Variants in PLEKHH1 observed in about 807,000 individuals in gnomAD.
PLEKHH1 encodes the protein pleckstrin homology, MyTH4 and FERM domain containing H1.
In PLEKHH1, 104 loss-of-function variants were observed where a neutral mutation model predicts 160.0. The observed-to-expected ratio is 0.65, with a 90% CI of 0.55 to 0.76. The LOEUF is 0.76. Among genes scored for constraint, PLEKHH1 ranks in the 30% least tolerant of loss-of-function variants. The pLI is 0.00. For missense variants in PLEKHH1, 1,427 were observed against 1,724.1 expected, an observed-to-expected ratio of 0.83 and a Z score of 3.05; for synonymous variants, 619 against 678.4, an observed-to-expected ratio of 0.91 and a Z score of 1.36.
intron 9 of PLEKHH1, chr14:67,570,261 G>C (rs1240541397): frequency 1.1e-6 from 1 of 890,320 alleles, no homozygotes; most frequent in East Asian, 1.2e-4. Context: ...CCGCTTTACA[G>C]CTCTCCCCAC....
intron 2 of PLEKHH1, among the ~76,000 whole-genome samples, chr14:67,553,532 C>T (rs2034478393): frequency 6.6e-6 from 1 of 152,176 alleles, no homozygotes; most frequent in African/African-American, 2.4e-5. Flanking sequence ...TGGCTCCAGC[C>T]TCTGATCTCT....
chr14:67,568,245 C>T (rs544161763), intron 7 of PLEKHH1, among the ~76,000 whole-genome samples: 39 of 152,218 alleles, frequency 2.6e-4, no homozygotes, highest in Non-Finnish European at 7.4e-5. Flanking sequence ...ACATATACAC[C>T]ATGGAATACC....
At chr14:67,555,977 A>C in intron 3 of PLEKHH1, 90 bp downstream of exon 3, 1 of 1,504,786 alleles carries the variant, frequency 6.6e-7, no homozygotes, top group South Asian at 1.2e-5. Flanking sequence ...GGACACATAC[A>C]TCACCAGCAG....
Position 67,583,765 on chromosome 14 carries a change from C to G in PLEKHH1, c.3451C>G (p.Pro1151Ala). The change falls in exon 25 of 29, where the codon CCT (proline) becomes GCT (alanine). Residue 1151 changes from proline (P) to alanine (A), a missense_variant. Pro to Ala is a conservative substitution (Grantham distance 27, BLOSUM62 -1). Around this residue, in one of 6 missense-constraint regions of PLEKHH1, gnomAD observed 436 missense variants for 607.5 expected, o/e 0.72. Transcript: ENST00000329153. The stretch of plus-strand genomic sequence containing the variant: ...GGTAGAATATGGGGACTTGGAGAAG[C>G]CTGCCCTGCCAGGCCCTGGAGGCAC... ...AQVEYGDLEKPALPGPGGTSP... is the reference protein window; with the variant it reads ...AQVEYGDLEKAALPGPGGTSP... 6.2e-7 allele frequency: 1 copy of G among 1,611,724 alleles called. No homozygotes were observed. The highest frequency in any genetic ancestry group is 8.5e-7 in the Non-Finnish European group (1 of 1,178,956).
In PLEKHH1 at chr14:67,578,437, TG is replaced by T; in HGVS notation, c.2752-93del. On this transcript the variant is annotated intron_variant, in intron 19 of 28. Coordinates refer to ENST00000329153, the MANE Select transcript of PLEKHH1 (RefSeq NM_020715.3). This position sits in a 1 kb window ranked among gnomAD's most constrained non-coding sequence, Gnocchi z 5.0. ...CCAGAGCAAGTTGGGGGCTCTGGTT[TG>T]GGGAAAGAGTGCTGAAGGCTCTGTA... The T allele has an allele frequency of 2.1e-6, 2 of 950,788 alleles. No homozygotes were observed. 58.9% of individuals were successfully genotyped at this position (950,788 alleles called of 1,614,324 possible).
rs760355771 is a variant in PLEKHH1 at position 67,571,788 on chromosome 14, G to A, written c.1471G>A (p.Glu491Lys). 7 of 1,613,798 alleles carry A rather than the reference G, an allele frequency of 4.3e-6. No homozygotes were observed. The highest frequency in any genetic ancestry group is 2.7e-5 in the African/African-American group (2 of 74,904). ...TQISNMPFMDESSGSDDDCSS... is the reference protein window; with the variant it reads ...TQISNMPFMDKSSGSDDDCSS... Reference sequence around the variant, plus strand: ...GATCAGCAACATGCCCTTTATGGACGAGTCCTCTGGGTCTGACGATGACTG... The same window carrying A: ...GATCAGCAACATGCCCTTTATGGACAAGTCCTCTGGGTCTGACGATGACTG... The change falls in exon 10 of 29, where the codon GAG becomes AAG. Residue 491 changes from glutamate to lysine, a missense_variant. By Grantham distance (56) the Glu-to-Lys change is moderately conservative (BLOSUM62 1). Coordinates refer to ENST00000329153, the MANE Select transcript of PLEKHH1 (RefSeq NM_020715.3).
chr14:67,541,825 G>A lies in PLEKHH1; in HGVS notation c.-34-9G>A. On this transcript the variant is annotated splice_polypyrimidine_tract_variant and intron_variant, in intron 1 of 28. Coordinates refer to ENST00000329153, the MANE Select transcript of PLEKHH1 (RefSeq NM_020715.3). Reference sequence around the variant, plus strand: ...TTATCTTTTCCTCTTTCTGCATGCTGGTTCTTAGGGCTCCCCAGAATAATC... The same window carrying A: ...TTATCTTTTCCTCTTTCTGCATGCTAGTTCTTAGGGCTCCCCAGAATAATC... The A allele has an allele frequency of 6.6e-7, 1 of 1,523,142 alleles. No individual in the cohort carries two copies. The highest frequency in any genetic ancestry group is 8.8e-7 in the Non-Finnish European group (1 of 1,132,800). 94.4% of individuals were successfully genotyped at this position (1,523,142 alleles called of 1,614,324 possible). A position where few individuals can be genotyped will look rare whatever the true frequency, so the allele number is the denominator to read the frequency against.
chr14:67,553,834 C>T lies in PLEKHH1; in HGVS notation c.127-1991C>T, dbSNP rs556337413. Among the ~76,000 whole-genome samples, 14 of 152,298 alleles carry T rather than the reference C, an allele frequency of 9.2e-5. No individual in the cohort carries two copies. In the South Asian group the frequency reaches 2.7e-3, roughly 29 times the overall value. ...TTAGGACAGTCCATCTGGCTCAAAC[C>T]GATGCCTGAAACTGACCAGAACCAA... On this transcript the variant is annotated intron_variant, in intron 2 of 28. Coordinates refer to ENST00000329153, the MANE Select transcript of PLEKHH1 (RefSeq NM_020715.3).
At chr14:67,583,968 C>T (rs774153019) in intron 25 of PLEKHH1, 27 bp from the exon 26 acceptor site, 1 of 1,613,796 alleles carries the variant, frequency 6.2e-7, no homozygotes, top group Non-Finnish European at 8.5e-7. Flanking sequence ...TTCATTGGCA[C>T]TATTTCTCTC....
In PLEKHH1 at chr14:67,576,083, T is replaced by G. The variant is rs1382927442; in HGVS notation, c.2352+78T>G. On this transcript the variant is annotated intron_variant, in intron 16 of 28. Coordinates refer to ENST00000329153, the MANE Select transcript of PLEKHH1 (RefSeq NM_020715.3). This position sits in a 1 kb window ranked among gnomAD's most constrained non-coding sequence, Gnocchi z 4.0. The stretch of plus-strand genomic sequence containing the variant: ...CTTCCCTTCTCTCTTTCTCCTGAGC[T>G]TCCCAAAATTCAAATTTATTTCCTT... The G allele has an allele frequency of 5.1e-6, 6 of 1,166,864 alleles. No homozygotes were observed. Among genetic ancestry groups the G allele is most frequent in the East Asian group, 4.8e-5 (2 of 42,074 alleles). The allele number at this position is 1,166,864 out of a possible 1,614,324, so 72.3% of individuals were successfully genotyped here.
chr14:67,587,183 G>C lies in PLEKHH1; in HGVS notation c.4043G>C (p.Arg1348Pro), dbSNP rs374778555. ...GACQLWELDG[R>P]QFFSSVSCAT... ...TGCCAGCTGTGGGAACTGGATGGAC[G>C]ACAGTTCTTTTCTTCTGTTTCCTGT... Residue 1348 changes from arginine to proline, a missense_variant, in exon 29 of 29, where the codon CGA becomes CCA. By Grantham distance (103) the Arg-to-Pro change is moderately radical (BLOSUM62 -2). Transcript: ENST00000329153. 4 of 1,613,804 alleles carry C rather than the reference G, an allele frequency of 2.5e-6. No homozygotes were observed. The South Asian group carries it at 4.4e-5, about 18-fold the overall frequency.
intron 2 of PLEKHH1, among the ~76,000 whole-genome samples, chr14:67,545,945 TAA>T (rs60607551): frequency 5.7e-5 from 8 of 140,880 alleles, no homozygotes; most frequent in East Asian, 2.0e-4. Context: ...GCTCTGCTGC[TAA>T]AAAAAAAAAA....
intron 28 of PLEKHH1, 80 bp downstream of exon 28, chr14:67,586,177 G>T: frequency 6.7e-7 from 1 of 1,490,302 alleles, no homozygotes. Flanking sequence ...CTGGGGTTAT[G>T]CTAGTGCTCT....
chr14:67,559,574 T>C (rs1395390141), intron 4 of PLEKHH1, 34 bp from the exon 5 acceptor site: 8 of 1,443,164 alleles, frequency 5.5e-6, no homozygotes, highest in Middle Eastern at 1.7e-4. Flanking sequence ...CTGGTGATTG[T>C]TGGGATTAAC....
intron 2 of PLEKHH1, among the ~76,000 whole-genome samples, chr14:67,542,792 C>T (rs569516670): frequency 6.6e-6 from 1 of 152,160 alleles, no homozygotes; most frequent in Non-Finnish European, 1.5e-5. Context: ...TCTCCGCCTC[C>T]TGGGCTCAAG....
chr14:67,587,443 T>C lies in PLEKHH1; in HGVS notation c.*208T>C. The C allele has an allele frequency of 1.7e-6, 1 of 605,812 alleles. No homozygotes were observed. The allele number at this position is 605,812 out of a possible 1,614,324, so 37.5% of individuals were successfully genotyped here. On this transcript the variant is annotated 3_prime_UTR_variant, in exon 29 of 29. Transcript: ENST00000329153. ...ACTTTTTAAAATCCAGACCCAGTGT[T>C]AAAACCATTTATTCCTTTTTTCATA...
intron 1 of PLEKHH1, among the ~76,000 whole-genome samples, chr14:67,534,261 A>G (rs1232725672): frequency 6.6e-6 from 1 of 152,030 alleles, no homozygotes; most frequent in East Asian, 1.9e-4. Context: ...CATTTTTCCA[A>G]AGGAGGAAGC....
chr14:67,559,460 C>T, intron 4 of PLEKHH1, 148 bp from the exon 5 acceptor site: 1 of 606,146 alleles, frequency 1.6e-6, no homozygotes. Flanking sequence ...GTTACCTTAT[C>T]AAATAATATT....
Position 67,559,713 on chromosome 14 carries a change from G to A in PLEKHH1, c.423+22G>A, listed in dbSNP as rs143623339. ...AAAGGTGGGTTGGAAACTCATCTTG[G>A]AGGCCTGCCAGAGGCATGGCTGGGC... On this transcript the variant is annotated intron_variant, in intron 5 of 28. Transcript: ENST00000329153. 121 of 1,532,722 alleles carry A rather than the reference G, an allele frequency of 7.9e-5. No homozygotes were observed. The African/African-American group carries it at 1.5e-3, about 19-fold the overall frequency. 94.9% of individuals were successfully genotyped at this position (1,532,722 alleles called of 1,614,324 possible).
Sources: allele counts gnomAD v4.1 joint callset (sites outside exome capture counted in the v4.1 genomes callset), GRCh38; gene constraint gnomAD v4.1.1; regional missense constraint gnomAD v4.1.1; non-coding constraint Gnocchi (gnomAD v3.1); transcripts MANE v1.5; gene names NCBI Gene and HGNC (gene_info 2026-07-23, HGNC 2026-07-21).